Variants in NLRP14 observed in about 807,000 individuals in gnomAD.
The protein encoded by NLRP14 is NLR family pyrin domain containing 14.
A neutral mutation model predicts 94.7 loss-of-function variants in NLRP14; 105 were observed. The ratio of observed to expected loss-of-function variants is 1.11; its 90% CI spans 0.95 to 1.30. The LOEUF (loss-of-function observed/expected upper bound fraction) is 1.30, where lower values mean the gene tolerates loss of function less well. Among genes scored for constraint, NLRP14 ranks in the 50% most tolerant of loss-of-function variants. NLRP14 has a pLI of 0.00. For synonymous variants in NLRP14, 508 were observed against 459.9 expected (o/e 1.10, Z -1.34); for missense variants, 1,362 against 1,254.1 (o/e 1.09, Z -1.30).
intron 1 of NLRP14, among the ~76,000 whole-genome samples, chr11:7,033,813 T>C (rs969710441): frequency 6.6e-6 from 1 of 152,220 alleles, no homozygotes. Context: ...CCTTGACAGT[T>C]CTGAGAAGTA....
chr11:7,037,166 T>C (rs1315900521), intron 1 of NLRP14, among the ~76,000 whole-genome samples: 5 of 152,230 alleles, frequency 3.3e-5, no homozygotes, highest in East Asian at 1.9e-4. Context: ...GAGTTCTTTT[T>C]TGAAGTTTCC....
At chr11:7,081,027 G>A in the NLRP14 span, among the ~76,000 whole-genome samples, 1,677 of 152,122 alleles carry the variant, frequency 0.011, 27 homozygotes, top group African/African-American at 0.038. Flanking sequence ...GGCCCAGAGC[G>A]GAGTTATCTC....
the NLRP14 span, chr11:7,089,363 G>A: frequency 3.1e-6 from 5 of 1,606,252 alleles, no homozygotes; most frequent in Admixed American, 6.7e-5. Flanking sequence ...CCATCAAGGT[G>A]GCCCAGGCCA....
intron 3 of NLRP14, 110 bp from the exon 4 acceptor site, chr11:7,042,278 C>G: frequency 1.2e-6 from 1 of 840,558 alleles, no homozygotes; most frequent in Non-Finnish European, 2.0e-6. Context: ...AGCCTATGTT[C>G]TTTCTTGTTC....
chr11:7,078,838 G>A, the NLRP14 span, among the ~76,000 whole-genome samples: 1 of 152,086 alleles, frequency 6.6e-6, no homozygotes, highest in African/African-American at 2.4e-5. Flanking sequence ...ATCCAAATTG[G>A]GAGTCTCCCT....
At chr11:7,038,422 A>T in intron 1 of NLRP14, 144 bp from the exon 2 acceptor site, 1 of 655,912 alleles carries the variant, frequency 1.5e-6, no homozygotes, top group Non-Finnish European at 2.7e-6. Context: ...TACAGAGGAC[A>T]CTAGGTCAGT....
rs990506563 is a variant in NLRP14 at position 7,064,926 on chromosome 11, G to T, written c.2975+2423G>T. Among the ~76,000 whole-genome samples, 4 of 151,656 alleles carry T rather than the reference G, an allele frequency of 2.6e-5. No homozygotes were observed. In the South Asian group the frequency reaches 6.2e-4, roughly 24 times the overall value. ...CATTGGTGCGTGGATCTGTTCCTGG[G>T]TTCTGTTTTCCTTTCCACTGACCTG... On this transcript the variant is annotated intron_variant, in intron 10 of 11. Transcript: ENST00000299481.
intron 1 of NLRP14, among the ~76,000 whole-genome samples, chr11:7,023,779 A>G (rs901519823): frequency 1.3e-5 from 2 of 152,072 alleles, no homozygotes; most frequent in African/African-American, 4.8e-5. Flanking sequence ...GCTTACAATC[A>G]TGATGGAAGG....
At chr11:7,077,290 A>G in the NLRP14 span, among the ~76,000 whole-genome samples, 1 of 152,234 alleles carries the variant, frequency 6.6e-6, no homozygotes, top group Non-Finnish European at 1.5e-5. Flanking sequence ...CTCCATCACC[A>G]GAGAAAGCAG....
intron 6 of NLRP14, 62 bp from the exon 7 acceptor site, chr11:7,057,615 G>A (rs1228757034): frequency 6.2e-6 from 9 of 1,453,322 alleles, no homozygotes; most frequent in Non-Finnish European, 8.7e-6. Context: ...GGGATCGGTA[G>A]GTGTTGGTTG....
intron 10 of NLRP14, among the ~76,000 whole-genome samples, chr11:7,064,014 G>T (rs78300604): frequency 1.5e-4 from 23 of 152,222 alleles, no homozygotes; most frequent in African/African-American, 4.6e-4. Context: ...ACATGTAACT[G>T]AAAGGGGTAG....
At chr11:7,089,883 A>G in the NLRP14 span, 1 of 1,612,844 alleles carries the variant, frequency 6.2e-7, no homozygotes, top group Non-Finnish European at 8.5e-7. Flanking sequence ...CTGTCCCTTG[A>G]GAGGCTACAG....
chr11:7,081,263 T>C, the NLRP14 span, among the ~76,000 whole-genome samples: 1 of 152,082 alleles, frequency 6.6e-6, no homozygotes, highest in Non-Finnish European at 1.5e-5. Context: ...CTCTGTCAGA[T>C]AGGAGAAACG....
the NLRP14 span, among the ~76,000 whole-genome samples, chr11:7,085,712 A>G: frequency 6.6e-6 from 1 of 152,244 alleles, no homozygotes; most frequent in Non-Finnish European, 1.5e-5. Flanking sequence ...ATTCTCTCAT[A>G]TACTTTAAAT....
At chr11:7,076,935 AC>A in the NLRP14 span, among the ~76,000 whole-genome samples, 1 of 152,200 alleles carries the variant, frequency 6.6e-6, no homozygotes, top group Non-Finnish European at 1.5e-5. Flanking sequence ...CTTCCAGGGA[AC>A]ACTTGTATTA....
rs1329999020 is a variant in NLRP14 at position 7,020,634 on chromosome 11, A to C, written c.-158A>C. 1 of 152,158 alleles carries C rather than the reference A, an allele frequency of 6.6e-6. No homozygotes were observed. Among genetic ancestry groups the C allele is most frequent in the East Asian group, 1.9e-4 (1 of 5,182 alleles). 9.4% of individuals were successfully genotyped at this position (152,158 alleles called of 1,614,324 possible). ...GGCTTCGGAGAATTCTGTGACCCTC[A>C]CCACCGCGACGACCCCGAGGAAACG... On this transcript the variant is annotated 5_prime_UTR_variant, in exon 1 of 12. Transcript: ENST00000299481.
At chr11:7,029,519 A>G (rs541783537) in intron 1 of NLRP14, among the ~76,000 whole-genome samples, 9 of 152,368 alleles carry the variant, frequency 5.9e-5, no homozygotes, top group South Asian at 2.1e-4. Context: ...TGTTCAATAT[A>G]GGATCTTTGC....
the NLRP14 span, chr11:7,089,662 C>T: frequency 6.9e-7 from 1 of 1,450,282 alleles, no homozygotes; most frequent in Non-Finnish European, 9.1e-7. Flanking sequence ...CGCGGGAGGG[C>T]CCTGGCCGTG....
intron 10 of NLRP14, among the ~76,000 whole-genome samples, chr11:7,065,929 A>G (rs890908697): frequency 2.6e-5 from 4 of 151,744 alleles, no homozygotes; most frequent in Admixed American, 2.0e-4. Context: ...TCATTGTTCA[A>G]CTCCCACTTA....
Sources: allele counts gnomAD v4.1 joint callset (sites outside exome capture counted in the v4.1 genomes callset), GRCh38; gene constraint gnomAD v4.1.1; transcripts MANE v1.5; gene names NCBI Gene and HGNC (gene_info 2026-07-23, HGNC 2026-07-21).